The following MCC variants were observed in gnomAD, a reference collection of about 807,000 sequenced individuals.
MCC encodes the protein MCC regulator of Wnt signaling pathway.
In MCC, 90 loss-of-function variants were observed where a neutral mutation model predicts 116.2. That is an observed-to-expected ratio of 0.77 (90% CI 0.65 to 0.92). MCC has a LOEUF of 0.92. MCC is among the 40% of genes least tolerant of loss of function. MCC has a pLI of 0.00. For synonymous variants in MCC, 578 were observed against 510.5 expected, an observed-to-expected ratio of 1.13 and a Z score of -1.78; for missense variants, 1,516 against 1,312.2, an observed-to-expected ratio of 1.16 and a Z score of -2.40.
intron 1 of MCC, among the ~76,000 whole-genome samples, chr5:113,405,606 T>A (rs1413328089): frequency 1.3e-5 from 2 of 151,862 alleles, no homozygotes; most frequent in Admixed American, 6.6e-5. Context: ...CTGGGCAACA[T>A]AGGGAGACAT....
chr5:113,039,464 C>G (rs1751537505), intron 17 of MCC, among the ~76,000 whole-genome samples: 1 of 152,198 alleles, frequency 6.6e-6, no homozygotes, highest in African/African-American at 2.4e-5. Flanking sequence ...TTGCCTTTCG[C>G]ACTGACAGAC....
chr5:113,126,676 A>T (rs1758070558), intron 5 of MCC, among the ~76,000 whole-genome samples: 1 of 152,216 alleles, frequency 6.6e-6, no homozygotes, highest in Non-Finnish European at 1.5e-5. Flanking sequence ...TTTTGAAAGT[A>T]ATGGAAAAAA....
chr5:113,083,149 G>C, intron 10 of MCC, 141 bp from the exon 11 acceptor site: 2 of 705,926 alleles, frequency 2.8e-6, no homozygotes, highest in East Asian at 2.7e-5. Flanking sequence ...CAGTTTGTAG[G>C]ATAGAATCCT....
At position 113,284,640 on chromosome 5, in the gene MCC, G is replaced by A. The variant is rs139944045; in HGVS notation, c.627+55879C>T. Among the ~76,000 whole-genome samples the A allele has an allele frequency of 2.9e-3, 440 of 152,270 alleles. 5 individuals carry two copies. Among genetic ancestry groups the A allele is most frequent in the Non-Finnish European group, 3.3e-3 (226 of 68,018 alleles). ...TCTTCAGGCCTCAGTTTCTTTATCA[G>A]TCATGCAAATGGTTAGGACAAGATA... is the stretch of plus-strand genomic sequence containing the variant. On this transcript the variant is annotated intron_variant, in intron 3 of 18. Coordinates refer to ENST00000408903, the MANE Select transcript of MCC (RefSeq NM_001085377.2).
intron 3 of MCC, among the ~76,000 whole-genome samples, chr5:113,271,101 T>C (rs1266405107): frequency 6.6e-6 from 1 of 152,196 alleles, no homozygotes; most frequent in Non-Finnish European, 1.5e-5. Flanking sequence ...AGTATGTTCA[T>C]GTTAAGACAA....
chr5:113,465,805 A>G (rs539993011), intron 1 of MCC, among the ~76,000 whole-genome samples: 67 of 152,334 alleles, frequency 4.4e-4, no homozygotes, highest in Middle Eastern at 3.4e-3. Context: ...ATAATGTTAT[A>G]CCATATTCAG....
At chr5:113,123,202 G>A (rs1364241585) in intron 5 of MCC, among the ~76,000 whole-genome samples, 4 of 152,198 alleles carry the variant, frequency 2.6e-5, no homozygotes, top group African/African-American at 9.7e-5. Flanking sequence ...AGAGTCTAGC[G>A]CACAGCAACA....
chr5:113,137,158 G>A (rs867667924), intron 5 of MCC, among the ~76,000 whole-genome samples: 1 of 152,150 alleles, frequency 6.6e-6, no homozygotes. Flanking sequence ...TGGTGGAAGG[G>A]GAAGCAGGCA....
chr5:113,272,497 GCT>G (rs1765653556), intron 3 of MCC, among the ~76,000 whole-genome samples: 1 of 151,938 alleles, frequency 6.6e-6, no homozygotes, highest in African/African-American at 2.4e-5. Context: ...TTAAAATTGG[GCT>G]CTACTGTGCT....
At chr5:113,245,285 C>T (rs1445500073) in intron 3 of MCC, among the ~76,000 whole-genome samples, 2 of 135,096 alleles carry the variant, frequency 1.5e-5, no homozygotes, top group Non-Finnish European at 3.1e-5. Context: ...AGAGAAACTC[C>T]ATCTCAAAAA....
chr5:113,043,880 C>T (rs566350974), intron 16 of MCC, among the ~76,000 whole-genome samples: 5 of 152,344 alleles, frequency 3.3e-5, no homozygotes, highest in Admixed American at 3.3e-4. Flanking sequence ...TCTGAGCAGC[C>T]GCTGATGCCA....
At chr5:113,482,079 T>G (rs1772395323) in intron 1 of MCC, among the ~76,000 whole-genome samples, 1 of 152,234 alleles carries the variant, frequency 6.6e-6, no homozygotes, top group African/African-American at 2.4e-5. Context: ...ATCCTTGTTA[T>G]AGCATGTATT....
At chr5:113,124,348 C>T (rs1476231299) in intron 5 of MCC, among the ~76,000 whole-genome samples, 1 of 152,188 alleles carries the variant, frequency 6.6e-6, no homozygotes, top group Non-Finnish European at 1.5e-5. Context: ...GCTCTCCTTT[C>T]AGTCAGCACT....
chr5:113,418,887 G>A (rs1012461660), intron 1 of MCC, among the ~76,000 whole-genome samples: 1 of 152,116 alleles, frequency 6.6e-6, no homozygotes, highest in Non-Finnish European at 1.5e-5. Flanking sequence ...AAGCAGCACC[G>A]CATCACAGAG....
intron 1 of MCC, among the ~76,000 whole-genome samples, chr5:113,447,037 C>A (rs1030717157): frequency 2.6e-5 from 4 of 152,106 alleles, no homozygotes; most frequent in Admixed American, 1.3e-4. Context: ...TCTAATTGAC[C>A]CTTTCTCCCT....
intron 3 of MCC, among the ~76,000 whole-genome samples, chr5:113,301,691 T>C (rs1223487329): frequency 6.6e-6 from 1 of 151,694 alleles, no homozygotes; most frequent in Admixed American, 6.6e-5. Flanking sequence ...AGGCAAAAAG[T>C]GAGGGAAGGG....
intron 2 of MCC, among the ~76,000 whole-genome samples, chr5:113,372,901 G>A (rs1053977820): frequency 2.6e-5 from 4 of 152,128 alleles, no homozygotes; most frequent in Non-Finnish European, 2.9e-5. Flanking sequence ...GTTTCTGTCC[G>A]GGCGTGGTGG....
intron 17 of MCC, among the ~76,000 whole-genome samples, chr5:113,030,510 C>T (rs919205280): frequency 1.3e-5 from 2 of 152,116 alleles, no homozygotes; most frequent in African/African-American, 2.4e-5. Context: ...GAAACCCCAT[C>T]TCTACAAAAA....
Position 113,134,617 on chromosome 5 carries a change from A to G in MCC, c.884+8601T>C, listed in dbSNP as rs1000283103. 8.4e-3 allele frequency among the ~76,000 whole-genome samples: 165 copies of G among 19,592 alleles called. 2 individuals carry two copies. The highest frequency in any genetic ancestry group is 0.036 in the Middle Eastern group (1 of 28). The allele number at this position is 19,592 out of a possible 152,430, so 12.9% of individuals were successfully genotyped here. A position where few individuals can be genotyped will look rare whatever the true frequency, so the allele number is the denominator to read the frequency against. On this transcript the variant is annotated intron_variant, in intron 5 of 18. Transcript: ENST00000408903. The stretch of plus-strand genomic sequence containing the variant: ...CATTGTAGGATTTTTTTTTTCTTCT[A>G]TTTCTGTGAAGCATGACATTGGTAT...
Sources: gnomAD v4.1 joint callset for allele counts (sites outside exome capture counted in the v4.1 genomes callset) on GRCh38, gnomAD v4.1.1 for gene constraint, MANE v1.5 for transcripts, NCBI Gene and HGNC (gene_info 2026-07-23, HGNC 2026-07-21) for gene names.